LRRFIP2: variants seen among roughly 807,000 people sequenced by gnomAD.
LRRFIP2 encodes the protein LRR binding FLII interacting protein 2.
In LRRFIP2, 109 loss-of-function variants were observed where a neutral mutation model predicts 125.9. That is an observed-to-expected ratio of 0.87 (90% confidence interval 0.74 to 1.01). LRRFIP2 has a LOEUF of 1.01. LRRFIP2 is among the 50% of genes least tolerant of loss of function. The pLI is 0.00. For synonymous variants in LRRFIP2, 291 were observed against 293.1 expected (o/e 0.99, Z 0.07); for missense variants, 850 against 862.3 (o/e 0.99, Z 0.18).
intron 21 of LRRFIP2, among the ~76,000 whole-genome samples, chr3:37,072,574 T>A (rs1341046059): frequency 2.7e-5 from 4 of 150,610 alleles, no homozygotes; most frequent in Admixed American, 6.6e-5. Context: ...TTCCTACTTA[T>A]ACATTTTACA....
chr3:37,125,935 T>C (rs2095254767), intron 4 of LRRFIP2, among the ~76,000 whole-genome samples: 2 of 152,168 alleles, frequency 1.3e-5, no homozygotes, highest in Non-Finnish European at 1.5e-5. Context: ...AAGAATCAGT[T>C]TAATTTTTTT....
At position 37,156,627 on chromosome 3, in the gene LRRFIP2, T is replaced by C. The variant is rs142682038; in HGVS notation, c.-55-7589A>G. On this transcript the variant is annotated intron_variant, in intron 1 of 27. Coordinates refer to ENST00000336686, the MANE Select transcript of LRRFIP2 (RefSeq NM_006309.4). ...AGGCGGAGCTTGCAGTGAACCTAGA[T>C]TGCGCCACTGCACTCCAGCCTGGGC... is the stretch of plus-strand genomic sequence containing the variant. Among the ~76,000 whole-genome samples the C allele has an allele frequency of 8.3e-3, 1,060 of 127,548 alleles. 16 individuals are homozygous for C. Among genetic ancestry groups the C allele is most frequent in the African/African-American group, 0.031 (1,010 of 32,698 alleles). 83.7% of individuals were successfully genotyped at this position (127,548 alleles called of 152,430 possible).
chr3:37,099,310 T>A (rs560743965), intron 15 of LRRFIP2, among the ~76,000 whole-genome samples: 5 of 152,272 alleles, frequency 3.3e-5, no homozygotes, highest in African/African-American at 1.2e-4. Flanking sequence ...AGCCAAGAGT[T>A]CTACATGGCT....
At chr3:37,085,378 G>A (rs191709200) in intron 18 of LRRFIP2, among the ~76,000 whole-genome samples, 25 of 151,492 alleles carry the variant, frequency 1.7e-4, no homozygotes, top group Non-Finnish European at 2.2e-4. Flanking sequence ...AAAATTAGCC[G>A]GGCATGGTGG....
At chr3:37,070,012 C>G (rs923534747) in intron 21 of LRRFIP2, among the ~76,000 whole-genome samples, 1 of 151,850 alleles carries the variant, frequency 6.6e-6, no homozygotes, top group Non-Finnish European at 1.5e-5. Context: ...TTCACCATAT[C>G]AAGGGCAATA....
chr3:37,088,576 G>C (rs2093234275), intron 18 of LRRFIP2, among the ~76,000 whole-genome samples: 1 of 150,568 alleles, frequency 6.6e-6, no homozygotes. Flanking sequence ...GCTTTGAGAG[G>C]CCAAGCGGGA....
At position 37,069,748 on chromosome 3, in the gene LRRFIP2, A is replaced by G. The variant is rs139643784; in HGVS notation, c.1464+3042T>C. Among the ~76,000 whole-genome samples, 5 of 152,352 alleles carry G rather than the reference A, an allele frequency of 3.3e-5. No individual in the cohort carries two copies. In the East Asian group the frequency reaches 9.7e-4, roughly 29 times the overall value. On this transcript the variant is annotated intron_variant, in intron 21 of 27. Coordinates refer to ENST00000336686, the MANE Select transcript of LRRFIP2 (RefSeq NM_006309.4). ...CTTTAGCACAATTTTTCAAATTAAA[A>G]AAGAGTCAACTCGTGATTCAATAAC...
Position 37,109,701 on chromosome 3 carries a change from C to T in LRRFIP2, c.516G>A (p.Gln172=). The change falls in exon 10 of 28, where the codon CAG becomes CAA. Residue 172 remains glutamine (Q), a splice_region_variant and synonymous_variant. Transcript: ENST00000336686. The part of the protein sequence containing the change: ...SKPTSAYYTR[Q]SSSLYSDPLA... ...GAGGGTCACTGTACAGGGAAGAAGA[C>T]TGCTAAGAGACAAAAACAAAATAAA... 6.2e-7 allele frequency: 1 copy of T among 1,613,848 alleles called. No homozygotes were observed. The highest frequency in any genetic ancestry group is 8.5e-7 in the Non-Finnish European group (1 of 1,179,858).
chr3:37,108,013 G>A, intron 13 of LRRFIP2, 60 bp downstream of exon 13: 1 of 1,365,470 alleles, frequency 7.3e-7, no homozygotes, highest in Non-Finnish European at 1.0e-6. Flanking sequence ...TAAACAGTGA[G>A]TACAGATTAA....
At chr3:37,074,062 A>G (rs1294405360) in intron 20 of LRRFIP2, among the ~76,000 whole-genome samples, 1 of 152,238 alleles carries the variant, frequency 6.6e-6, no homozygotes, top group Non-Finnish European at 1.5e-5. Context: ...ATGTTCAATT[A>G]TTCTTAATGA....
chr3:37,131,990 CGTAAGCT>C (rs1267227872), intron 2 of LRRFIP2, among the ~76,000 whole-genome samples: 2 of 152,156 alleles, frequency 1.3e-5, no homozygotes, highest in East Asian at 3.9e-4. Flanking sequence ...ATCTACCAAC[CGTAAGCT>C]GTAACCACTA....
At chr3:37,110,014 G>A (rs2094493541) in intron 9 of LRRFIP2, among the ~76,000 whole-genome samples, 1 of 152,134 alleles carries the variant, frequency 6.6e-6, no homozygotes, top group African/African-American at 2.4e-5. Flanking sequence ...AAAACACTGA[G>A]GGAAAGAGGG....
chr3:37,065,493 C>A (rs2148775752), intron 23 of LRRFIP2: 1 of 493,014 alleles, frequency 2.0e-6, no homozygotes, highest in South Asian at 1.6e-5. Flanking sequence ...GCCTACTGCT[C>A]CCCTAGCACA....
At chr3:37,115,168 T>C in intron 6 of LRRFIP2, 73 bp from the exon 7 acceptor site, 1 of 1,031,854 alleles carries the variant, frequency 9.7e-7, no homozygotes, top group South Asian at 1.5e-5. Context: ...GAAGTAATAT[T>C]TGAGGTTATT....
Position 37,083,636 on chromosome 3 carries a change from C to T in LRRFIP2, c.1278G>A (p.Lys426=). The change falls in exon 19 of 28, where the codon AAG becomes AAA. Residue 426 remains lysine (K), a splice_region_variant and synonymous_variant. Transcript: ENST00000336686. The part of the protein sequence containing the change: ...EFYRENEEKS[K]ELERQKHMCS... ...AGAGAAAATACAAGATAAGCATTAC[C>T]TTTGATTTTTCTTCATTTTCTCTAT... The T allele has an allele frequency of 6.4e-7, 1 of 1,554,908 alleles. No homozygotes were observed.
rs149060526 is a variant in LRRFIP2 at position 37,165,805 on chromosome 3, G to A, written c.-56+8734C>T. Among the ~76,000 whole-genome samples, 50 of 106,450 alleles carry A rather than the reference G, an allele frequency of 4.7e-4. 1 individual carries two copies. The highest frequency in any genetic ancestry group is 5.7e-4 in the Non-Finnish European group (28 of 48,946). 69.8% of individuals were successfully genotyped at this position (106,450 alleles called of 152,430 possible). ...GAAAAGAGAAAGAAAGAGAAAGAAA[G>A]AAAGAAAGAAAGAAAGAAAGAAAGA... On this transcript the variant is annotated intron_variant, in intron 1 of 27. Coordinates refer to ENST00000336686, the MANE Select transcript of LRRFIP2 (RefSeq NM_006309.4).
chr3:37,067,599 A>G (rs894112952), intron 21 of LRRFIP2: 2 of 152,272 alleles, frequency 1.3e-5, no homozygotes, highest in African/African-American at 4.8e-5. Context: ...AAAAATCATT[A>G]TAATCCTGTT....
intron 18 of LRRFIP2, among the ~76,000 whole-genome samples, chr3:37,084,639 C>T (rs2092906948): frequency 6.6e-6 from 1 of 152,058 alleles, no homozygotes; most frequent in African/African-American, 2.4e-5. Flanking sequence ...GCACTCCAGC[C>T]TGGGTGACAG....
At chr3:37,164,551 T>A (rs2096428008) in intron 1 of LRRFIP2, among the ~76,000 whole-genome samples, 1 of 151,998 alleles carries the variant, frequency 6.6e-6, no homozygotes, top group Non-Finnish European at 1.5e-5. Context: ...AACCCATCTC[T>A]ACTAAAAATA....
Sources: allele counts gnomAD v4.1 joint callset (sites outside exome capture counted in the v4.1 genomes callset), GRCh38; gene constraint gnomAD v4.1.1; transcripts MANE v1.5; gene names NCBI Gene and HGNC (gene_info 2026-07-23, HGNC 2026-07-21).